Variants in DAB2 observed in about 807,000 individuals in gnomAD.
The protein encoded by DAB2 is disabled homolog 2.
In DAB2, 28 loss-of-function variants were observed where a neutral mutation model predicts 71.6. That is an observed-to-expected ratio of 0.39 (90% CI 0.29 to 0.54). The LOEUF is 0.54. Among genes scored for constraint, DAB2 ranks in the 20% least tolerant of loss-of-function variants. The pLI, the probability that DAB2 is intolerant of heterozygous loss-of-function variation, is 0.68. For synonymous variants in DAB2, 345 were observed against 339.7 expected (o/e 1.02, Z -0.17); for missense variants, 867 against 928.8 (o/e 0.93, Z 0.86).
At chr5:39,401,746 T>TTTATTTAC (rs1554054792) in intron 1 of DAB2, among the ~76,000 whole-genome samples, 1 of 148,662 alleles carries the variant, frequency 6.7e-6, no homozygotes, top group East Asian at 2.0e-4. Context: ...TATTTATTTA[T>TTTATTTAC]TTATTTATTT....
At position 39,389,844 on chromosome 5, in the gene DAB2, G is replaced by A. The variant is rs536494241; in HGVS notation, c.543+8C>T. The A allele has an allele frequency of 2.7e-6, 4 of 1,460,928 alleles. No homozygotes were observed. Among genetic ancestry groups the A allele is most frequent in the African/African-American group, 1.4e-5 (1 of 71,078 alleles). The allele number at this position is 1,460,928 out of a possible 1,614,324, so 90.5% of individuals were successfully genotyped here. A position where few individuals can be genotyped will look rare whatever the true frequency, so the allele number is the denominator to read the frequency against. On this transcript the variant is annotated splice_region_variant and intron_variant, in intron 6 of 14. Transcript: ENST00000320816. ...AATTTAATAGAGCCTTAATCAGGTA[G>A]TACTTGCCTTTTTCTTTTCTTCTTC... is the stretch of plus-strand genomic sequence containing the variant.
chr5:39,401,180 T>C (rs1755488252), intron 1 of DAB2, among the ~76,000 whole-genome samples: 1 of 152,230 alleles, frequency 6.6e-6, no homozygotes, highest in Admixed American at 6.5e-5. Flanking sequence ...CCTGTTTCAC[T>C]GAGGAATGAG....
intron 1 of DAB2, among the ~76,000 whole-genome samples, chr5:39,398,581 T>A (rs1484301229): frequency 6.6e-6 from 1 of 152,154 alleles, no homozygotes; most frequent in Non-Finnish European, 1.5e-5. Flanking sequence ...CAAGGGTAAG[T>A]CTCCATTGTA....
intron 11 of DAB2, 40 bp from the exon 12 acceptor site, chr5:39,377,322 C>G: frequency 6.4e-7 from 1 of 1,565,950 alleles, no homozygotes; most frequent in Non-Finnish European, 8.6e-7. Context: ...AGGAGTCAAG[C>G]TTGAAGAAGA....
intron 1 of DAB2, 36 bp from the exon 2 acceptor site, chr5:39,394,457 AC>A: frequency 1.5e-6 from 1 of 669,142 alleles, no homozygotes; most frequent in Admixed American, 2.5e-5. Context: ...TGAGATCAGA[AC>A]ACAGCAGACC....
chr5:39,411,794 C>T (rs1405123745), intron 1 of DAB2, among the ~76,000 whole-genome samples: 1 of 152,186 alleles, frequency 6.6e-6, no homozygotes, highest in East Asian at 1.9e-4. Flanking sequence ...CCATTCTCCA[C>T]AGGAGCCTTT....
chr5:39,380,526 T>C (rs974545229), intron 11 of DAB2, among the ~76,000 whole-genome samples: 3 of 152,080 alleles, frequency 2.0e-5, no homozygotes, highest in Admixed American at 6.6e-5. Flanking sequence ...TTGGAGTTTG[T>C]AGAGGTGCCA....
At chr5:39,405,778 T>C (rs907808713) in intron 1 of DAB2, among the ~76,000 whole-genome samples, 3 of 152,176 alleles carry the variant, frequency 2.0e-5, no homozygotes, top group Middle Eastern at 3.2e-3. Flanking sequence ...TGGGAAGTGA[T>C]GTAGGGAAGA....
Position 39,393,299 on chromosome 5 carries a change from A to G in DAB2, c.186T>C (p.Asp62=), listed in dbSNP as rs374599873. Residue 62 remains aspartate (D), a synonymous_variant, in exon 3 of 15, where the codon GAT becomes GAC. Coordinates refer to ENST00000320816, the MANE Select transcript of DAB2 (RefSeq NM_001343.4). ...AKLIGIDDVP[D]ARGDKMSQDS... ...CTTGGCTCATTTTATCCCCTCTTGCATCTGGCACATCATCAATGCCAATCA... is the reference window on the plus strand; with the variant it reads ...CTTGGCTCATTTTATCCCCTCTTGCGTCTGGCACATCATCAATGCCAATCA... 6.2e-7 allele frequency: 1 copy of G among 1,613,990 alleles called. No homozygotes were observed. The highest frequency in any genetic ancestry group is 1.1e-5 in the South Asian group (1 of 91,072).
At chr5:39,381,954 A>G (rs368281572) in intron 10 of DAB2, among the ~76,000 whole-genome samples, 2 of 152,176 alleles carry the variant, frequency 1.3e-5, no homozygotes, top group East Asian at 3.9e-4. Flanking sequence ...GCAACTACCA[A>G]TAAGCATCCT....
chr5:39,397,716 AAGGGT>A (rs1307733800), intron 1 of DAB2, among the ~76,000 whole-genome samples: 6 of 152,182 alleles, frequency 3.9e-5, no homozygotes, highest in Non-Finnish European at 8.8e-5. Flanking sequence ...ACTATTCTTT[AAGGGT>A]ACCCTAAATG....
At chr5:39,410,209 T>C (rs748303010) in intron 1 of DAB2, among the ~76,000 whole-genome samples, 17 of 152,082 alleles carry the variant, frequency 1.1e-4, no homozygotes, top group Admixed American at 2.6e-4. Flanking sequence ...GCTAACAGTT[T>C]CAAAGGCTCA....
intron 6 of DAB2, 70 bp from the exon 7 acceptor site, chr5:39,389,193 T>C: frequency 4.0e-6 from 5 of 1,239,072 alleles, no homozygotes; most frequent in Non-Finnish European, 5.9e-6. Context: ...CACAAACAAG[T>C]ATGCCTATGG....
At chr5:39,408,716 C>T (rs561255378) in intron 1 of DAB2, 1 of 152,258 alleles carries the variant, frequency 6.6e-6, no homozygotes, top group African/African-American at 2.4e-5. Flanking sequence ...CAAAAAGTGA[C>T]TTGATATTTA....
intron 1 of DAB2, among the ~76,000 whole-genome samples, chr5:39,399,066 T>C (rs1434543593): frequency 6.6e-6 from 1 of 152,320 alleles, no homozygotes; most frequent in Non-Finnish European, 1.5e-5. Flanking sequence ...CTTTCCAAAC[T>C]GGGGCTCTGT....
chr5:39,402,761 T>C (rs555004294), intron 1 of DAB2, among the ~76,000 whole-genome samples: 1 of 152,146 alleles, frequency 6.6e-6, no homozygotes, highest in Admixed American at 6.5e-5. Context: ...GTGAGATGGT[T>C]TGCCAGTGTA....
intron 9 of DAB2, chr5:39,387,707 T>TC (rs397738730): frequency 2.0e-5 from 3 of 151,300 alleles, no homozygotes; most frequent in African/African-American, 7.3e-5. Flanking sequence ...TTCTTTTTTT[T>TC]CCCTGAACCA....
intron 14 of DAB2, among the ~76,000 whole-genome samples, chr5:39,374,014 C>T (rs1754759348): frequency 6.6e-6 from 1 of 152,122 alleles, no homozygotes; most frequent in Non-Finnish European, 1.5e-5. Flanking sequence ...TGGAAAGGTA[C>T]TACAGGAAAC....
At chr5:39,392,039 A>G (rs1755243199) in intron 4 of DAB2, among the ~76,000 whole-genome samples, 1 of 147,644 alleles carries the variant, frequency 6.8e-6, no homozygotes, top group Non-Finnish European at 1.5e-5. Context: ...ATTTTAATGT[A>G]TATTTGTATA....
Sources: gnomAD v4.1 joint callset for allele counts (sites outside exome capture counted in the v4.1 genomes callset) on GRCh38, gnomAD v4.1.1 for gene constraint, MANE v1.5 for transcripts, NCBI Gene and HGNC (gene_info 2026-07-23, HGNC 2026-07-21) for gene names.